The following THADA variants were observed in gnomAD, a reference collection of about 807,000 sequenced individuals.
THADA encodes tRNA (32-2'-O)-methyltransferase regulator THADA.
A neutral mutation model predicts 219.8 loss-of-function variants in THADA; 213 were observed. The observed-to-expected ratio is 0.97, with a 90% CI of 0.87 to 1.09. The LOEUF is 1.09. THADA is among the 50% of genes least tolerant of loss of function. THADA has a pLI of 0.00. For synonymous variants in THADA, 1,018 were observed against 828.9 expected (o/e 1.23, Z -3.92); for missense variants, 2,956 against 2,311.3 (o/e 1.28, Z -5.72).
chr2:43,485,292 A>T lies in THADA; in HGVS notation c.3778T>A (p.Leu1260Met). ...RNSSTLLFSA[L>M]ITRIFGVKRA... ...TTAACTCCAAAAATTCTTGTGATCA[A>T]GGCACTAAAGAGAAGTGTGGATGAA... is the stretch of plus-strand genomic sequence containing the variant. The change falls in exon 26 of 38, where the codon TTG becomes ATG. Residue 1260 changes from leucine to methionine, a missense_variant. Leu to Met is a conservative substitution (Grantham distance 15). Coordinates refer to ENST00000405975, the MANE Select transcript of THADA (RefSeq NM_022065.5). The T allele has an allele frequency of 6.2e-7, 1 of 1,613,122 alleles. No individual in the cohort carries two copies. Among genetic ancestry groups the T allele is most frequent in the Non-Finnish European group, 8.5e-7 (1 of 1,179,404 alleles).
intron 35 of THADA, among the ~76,000 whole-genome samples, chr2:43,284,943 T>C (rs752399329): frequency 6.6e-6 from 1 of 152,220 alleles, no homozygotes; most frequent in East Asian, 1.9e-4. Context: ...CTGCTGGGTT[T>C]TGAACTTGCA....
intron 26 of THADA, among the ~76,000 whole-genome samples, chr2:43,466,947 C>T (rs976321323): frequency 2.6e-4 from 39 of 151,094 alleles, no homozygotes; most frequent in African/African-American, 9.0e-4. Context: ...CTTTGGGAGG[C>T]CGAGGCGGGC....
At chr2:43,319,183 C>T (rs1249032833) in intron 31 of THADA, among the ~76,000 whole-genome samples, 1 of 152,180 alleles carries the variant, frequency 6.6e-6, no homozygotes, top group Non-Finnish European at 1.5e-5. Context: ...CTTTAGACTC[C>T]AGTTGACTTA....
intron 30 of THADA, among the ~76,000 whole-genome samples, chr2:43,321,730 G>A (rs1455295538): frequency 6.6e-6 from 1 of 152,170 alleles, no homozygotes; most frequent in African/African-American, 2.4e-5. Flanking sequence ...CAGACTTACT[G>A]TGAGTCACTG....
At chr2:43,360,612 G>A (rs1669397883) in intron 29 of THADA, among the ~76,000 whole-genome samples, 1 of 152,170 alleles carries the variant, frequency 6.6e-6, no homozygotes, top group South Asian at 2.1e-4. Context: ...ATGCCACTAT[G>A]AAACCATTCC....
chr2:43,313,598 T>C (rs1262996335), intron 31 of THADA, among the ~76,000 whole-genome samples: 1 of 152,276 alleles, frequency 6.6e-6, no homozygotes, highest in Non-Finnish European at 1.5e-5. Context: ...AAGCGTGCTC[T>C]TTCTAATAAC....
At chr2:43,476,883 T>C (rs1685616951) in intron 26 of THADA, among the ~76,000 whole-genome samples, 1 of 152,218 alleles carries the variant, frequency 6.6e-6, no homozygotes. Context: ...TAGAAGATTC[T>C]AACCTAGAAT....
chr2:43,467,487 A>G (rs959490812), intron 26 of THADA, among the ~76,000 whole-genome samples: 2 of 152,194 alleles, frequency 1.3e-5, no homozygotes, highest in Non-Finnish European at 2.9e-5. Flanking sequence ...TACCATCATG[A>G]ACAATACAAT....
At chr2:43,576,811 C>T (rs1383396509) in intron 10 of THADA, among the ~76,000 whole-genome samples, 1 of 152,126 alleles carries the variant, frequency 6.6e-6, no homozygotes, top group Non-Finnish European at 1.5e-5. Flanking sequence ...CATGCCACCA[C>T]ACCCAGCTAA....
intron 36 of THADA, among the ~76,000 whole-genome samples, chr2:43,276,435 A>G (rs966681120): frequency 6.6e-6 from 1 of 152,228 alleles, no homozygotes; most frequent in Admixed American, 6.5e-5. Flanking sequence ...TAACCATGGC[A>G]TTATTTTCTC....
At chr2:43,363,993 G>A (rs1573282765) in intron 29 of THADA, among the ~76,000 whole-genome samples, 1 of 152,096 alleles carries the variant, frequency 6.6e-6, no homozygotes, top group East Asian at 1.9e-4. Context: ...AGGCCAAGGC[G>A]GGCAGATTGC....
At chr2:43,327,070 T>A (rs1236346313) in intron 30 of THADA, among the ~76,000 whole-genome samples, 1 of 152,030 alleles carries the variant, frequency 6.6e-6, no homozygotes, top group African/African-American at 2.4e-5. Context: ...GAGGGGTATA[T>A]GTGGAGAAAA....
At chr2:43,399,700 GCTGGACAGTTCCCACAACTCATC>G (rs1473366893) in intron 28 of THADA, among the ~76,000 whole-genome samples, 3 of 152,136 alleles carry the variant, frequency 2.0e-5, no homozygotes, top group Non-Finnish European at 4.4e-5. Context: ...ACAGTAGGTA[GCTGGACAGTTCCCACAACTCATC>G]CTGGACAGTT....
intron 22 of THADA, among the ~76,000 whole-genome samples, chr2:43,520,713 T>TATATATATACACAC (rs1218079783): frequency 2.8e-3 from 348 of 125,074 alleles, no homozygotes; most frequent in African/African-American, 9.9e-3. Flanking sequence ...TATATATATA[T>TATATATATACACAC]ACACACACAC....
At chr2:43,556,960 G>A (rs966736029) in intron 16 of THADA, among the ~76,000 whole-genome samples, 2 of 152,126 alleles carry the variant, frequency 1.3e-5, no homozygotes, top group Non-Finnish European at 2.9e-5. Context: ...GTGCACACCT[G>A]TAGTCCCAGC....
chr2:43,276,562 T>C (rs1672745643), intron 36 of THADA, among the ~76,000 whole-genome samples: 1 of 152,170 alleles, frequency 6.6e-6, no homozygotes, highest in African/African-American at 2.4e-5. Flanking sequence ...ATTCTACAGG[T>C]TCCAGAAAGT....
At chr2:43,295,037 C>A (rs1423908504) in intron 31 of THADA, among the ~76,000 whole-genome samples, 2 of 152,100 alleles carry the variant, frequency 1.3e-5, no homozygotes, top group Non-Finnish European at 2.9e-5. Flanking sequence ...GGTGGGAGGA[C>A]TGCTTGAGCC....
chr2:43,534,169 T>C (rs1000613074), intron 21 of THADA, among the ~76,000 whole-genome samples: 3 of 152,190 alleles, frequency 2.0e-5, no homozygotes, highest in Non-Finnish European at 4.4e-5. Context: ...GAAGACAGAT[T>C]TTTTAAAGCA....
At chr2:43,528,969 G>GTAT (rs964769558) in intron 21 of THADA, among the ~76,000 whole-genome samples, 3 of 151,866 alleles carry the variant, frequency 2.0e-5, no homozygotes, top group African/African-American at 7.3e-5. Flanking sequence ...AAAATAACCC[G>GTAT]TATTACCTTT....
Sources: gnomAD v4.1 joint callset for allele counts (sites outside exome capture counted in the v4.1 genomes callset) on GRCh38, gnomAD v4.1.1 for gene constraint, MANE v1.5 for transcripts, NCBI Gene and HGNC (gene_info 2026-07-23, HGNC 2026-07-21) for gene names.